NAT10: variants seen among roughly 807,000 people sequenced by gnomAD.
The protein encoded by NAT10 is N-acetyltransferase 10.
A neutral mutation model predicts 132.2 loss-of-function variants in NAT10; 109 were observed. That is an observed-to-expected ratio of 0.82 (90% CI 0.71 to 0.97). The LOEUF (loss-of-function observed/expected upper bound fraction) is 0.97, where lower values mean the gene tolerates loss of function less well. Ranked by LOEUF, NAT10 falls within the 50% of genes least tolerant of loss-of-function variation. The pLI, the probability that NAT10 is intolerant of heterozygous loss-of-function variation, is 0.00. For missense variants in NAT10, 1,184 were observed against 1,263.4 expected (o/e 0.94, Z 0.95); for synonymous variants, 479 against 478.0 (o/e 1.00, Z -0.03).
chr11:34,134,658 G>C, intron 18 of NAT10, 72 bp downstream of exon 18: 1 of 1,287,886 alleles, frequency 7.8e-7, no homozygotes, highest in Non-Finnish European at 1.1e-6. Context: ...TTGGTGGCTG[G>C]AATAAGAAGC....
chr11:34,132,929 G>T lies in NAT10; in HGVS notation c.1618-97G>T. On this transcript the variant is annotated intron_variant, in intron 15 of 28. Transcript: ENST00000257829. Reference sequence around the variant, plus strand: ...CTGCTCCTCACTTGGCTTTGGAGAAGGCCATACTGCAGTCATCCTGTGGTT... The same window carrying T: ...CTGCTCCTCACTTGGCTTTGGAGAATGCCATACTGCAGTCATCCTGTGGTT... The T allele has an allele frequency of 3.2e-6, 3 of 930,570 alleles. No individual in the cohort carries two copies. The South Asian group carries it at 4.1e-5, about 13-fold the overall frequency. The allele number at this position is 930,570 out of a possible 1,614,324, so 57.6% of individuals were successfully genotyped here.
At position 34,123,765 on chromosome 11, in the gene NAT10, C is replaced by T. The variant is rs773170020; in HGVS notation, c.918C>T (p.Tyr306=). Reference sequence around the variant, plus strand: ...CTTCTTTTATTTTGTTCTGTAGGTACTCCAATATCTTTGTTACCTCCCCAA... The same window carrying T: ...CTTCTTTTATTTTGTTCTGTAGGTATTCCAATATCTTTGTTACCTCCCCAA... ...LAIAGAVAFG[Y]SNIFVTSPSP... Residue 306 remains tyrosine, a synonymous_variant, in exon 10 of 29, where the codon TAC becomes TAT. Transcript: ENST00000257829. 8 of 1,587,160 alleles carry T rather than the reference C, an allele frequency of 5.0e-6. No individual in the cohort carries two copies. The South Asian group carries it at 5.5e-5, about 11-fold the overall frequency.
At chr11:34,124,039 C>T (rs1851942357) in intron 10 of NAT10, among the ~76,000 whole-genome samples, 184 bp downstream of exon 10, 1 of 152,158 alleles carries the variant, frequency 6.6e-6, no homozygotes, top group Non-Finnish European at 1.5e-5. Flanking sequence ...TGTGGTGGCG[C>T]ATGCCTGTAA....
At chr11:34,114,440 G>A (rs1038968750) in intron 5 of NAT10, among the ~76,000 whole-genome samples, 1 of 152,204 alleles carries the variant, frequency 6.6e-6, no homozygotes, top group East Asian at 1.9e-4. Context: ...CAGCAGCTCA[G>A]TAATGGTGGT....
At position 34,118,408 on chromosome 11, in the gene NAT10, G is replaced by T. The variant is rs374071566; in HGVS notation, c.685G>T (p.Gly229Cys). The stretch of plus-strand genomic sequence containing the variant: ...CTCTCTCTGGTAGGATGAGAGTCTT[G>T]GTCCTTCTGATCTGGAGCTGAGGGA... ...LPPQTPDESL[G>C]PSDLELRELK... The change falls in exon 8 of 29, where the codon GGT becomes TGT. Residue 229 changes from glycine (G) to cysteine (C), a missense_variant. Physicochemically the swap from Gly to Cys is radical, Grantham distance 159. Coordinates refer to ENST00000257829, the MANE Select transcript of NAT10 (RefSeq NM_024662.3). 2 of 1,613,946 alleles carry T rather than the reference G, an allele frequency of 1.2e-6. No individual in the cohort carries two copies. The highest frequency in any genetic ancestry group is 2.7e-5 in the African/African-American group (2 of 74,916).
chr11:34,131,318 T>G, intron 13 of NAT10, 63 bp from the exon 14 acceptor site: 1 of 1,534,756 alleles, frequency 6.5e-7, no homozygotes, highest in Non-Finnish European at 8.8e-7. Context: ...TTTTCCTTGC[T>G]TTTTTAGACA....
At chr11:34,136,796 C>T (rs781102233) in intron 20 of NAT10, 21 bp downstream of exon 20, 1 of 1,614,092 alleles carries the variant, frequency 6.2e-7, no homozygotes, top group Admixed American at 1.7e-5. Flanking sequence ...GCCCTCCTTC[C>T]ACGGCATCAC....
chr11:34,132,340 A>C, intron 15 of NAT10, 119 bp downstream of exon 15: 1 of 813,250 alleles, frequency 1.2e-6, no homozygotes, highest in Non-Finnish European at 2.1e-6. Flanking sequence ...CCATTGGGAC[A>C]TTGATGAGTT....
chr11:34,127,679 G>T, intron 12 of NAT10, 80 bp downstream of exon 12: 2 of 1,497,164 alleles, frequency 1.3e-6, no homozygotes, highest in Admixed American at 2.0e-5. Context: ...TGTGGCCTGG[G>T]CCTGGACAGC....
chr11:34,142,068 T>A, intron 26 of NAT10: 1 of 628,246 alleles, frequency 1.6e-6, no homozygotes, highest in South Asian at 2.0e-5. Context: ...TGGAAATGTT[T>A]TGTCTTTTTT....
In NAT10 at chr11:34,115,839, A is replaced by G. The variant is rs1851774588; in HGVS notation, c.512A>G (p.Tyr171Cys). ...CTTTGTTAGGATGTGCATTCCAGGT[A>G]CAGAACTGAGGCCCATCAGGATGTG... ...YTVTMDVHSR[Y>C]RTEAHQDVVG... Residue 171 changes from tyrosine (Y) to cysteine (C), a missense_variant, in exon 6 of 29, where the codon TAC (tyrosine) becomes TGC (cysteine). Physicochemically the swap from Tyr to Cys is radical, Grantham distance 194. Transcript: ENST00000257829. 1.2e-6 allele frequency: 2 copies of G among 1,614,140 alleles called. No individual in the cohort carries two copies. Among genetic ancestry groups the G allele is most frequent in the African/African-American group, 1.3e-5 (1 of 75,062 alleles).
At chr11:34,124,833 T>G (rs1358390804) in intron 11 of NAT10, among the ~76,000 whole-genome samples, 2 of 152,224 alleles carry the variant, frequency 1.3e-5, no homozygotes, top group African/African-American at 4.8e-5. Flanking sequence ...AGTGGCCTAT[T>G]TTCTTTTTTA....
At chr11:34,137,050 A>C (rs752098626) in intron 21 of NAT10, 24 bp downstream of exon 21, 1 of 1,613,768 alleles carries the variant, frequency 6.2e-7, no homozygotes. Context: ...CCAGCAGAGG[A>C]GAAGTTTAGG....
intron 8 of NAT10, among the ~76,000 whole-genome samples, chr11:34,121,269 A>AG (rs1851887452): frequency 6.6e-6 from 1 of 152,162 alleles, no homozygotes; most frequent in Non-Finnish European, 1.5e-5. Flanking sequence ...ACTGATCAGG[A>AG]GGCTGCTGTC....
chr11:34,136,428 A>G (rs2132974256), intron 19 of NAT10, among the ~76,000 whole-genome samples: 1 of 152,236 alleles, frequency 6.6e-6, no homozygotes, highest in East Asian at 1.9e-4. Context: ...TGCATTCTAG[A>G]GGTCTGAAGC....
rs2132960869 is a variant in NAT10 at position 34,129,154 on chromosome 11, T to C, written c.1244+1555T>C. ...ACATGTTTTTCAGTTCTCTTAGGGA[T>C]ACACCTAGGAGTGAAACTATTGGGC... On this transcript the variant is annotated intron_variant, in intron 12 of 28. Transcript: ENST00000257829. Among the ~76,000 whole-genome samples the C allele has an allele frequency of 2.0e-5, 3 of 152,370 alleles. No individual in the cohort carries two copies. The South Asian group carries it at 6.2e-4, about 32-fold the overall frequency.
At chr11:34,141,030 C>T in intron 24 of NAT10, 59 bp from the exon 25 acceptor site, 8 of 1,608,644 alleles carry the variant, frequency 5.0e-6, no homozygotes, top group Non-Finnish European at 6.8e-6. Context: ...TTCTTGGCGC[C>T]ATTTTAATGG....
rs1852224509 is a variant in NAT10, at chr11:34,136,784, C to T, written c.2162+9C>T. The T allele has an allele frequency of 3.1e-6, 5 of 1,614,178 alleles. No individual in the cohort carries two copies. Among genetic ancestry groups the T allele is most frequent in the Non-Finnish European group, 4.2e-6 (5 of 1,180,034 alleles). The stretch of plus-strand genomic sequence containing the variant: ...ACCCCCAGGCTCCTCAAGTAAGTGC[C>T]TGCCCTCCTTCCACGGCATCACTCC... On this transcript the variant is annotated intron_variant, in intron 20 of 28. Transcript: ENST00000257829.
intron 17 of NAT10, 26 bp from the exon 18 acceptor site, chr11:34,134,486 G>A: frequency 6.2e-7 from 1 of 1,614,106 alleles, no homozygotes; most frequent in East Asian, 2.2e-5. Context: ...GTGTTGCTAA[G>A]TTACTGGTTT....
Sources: gnomAD v4.1 joint callset for allele counts (sites outside exome capture counted in the v4.1 genomes callset) on GRCh38, gnomAD v4.1.1 for gene constraint, MANE v1.5 for transcripts, NCBI Gene and HGNC (gene_info 2026-07-23, HGNC 2026-07-21) for gene names.